Variants in RBFOX1 observed in about 807,000 individuals in gnomAD.
The protein encoded by RBFOX1 is RNA binding protein fox-1 homolog 1.
Under a neutral mutation model 57.7 loss-of-function variants are expected in RBFOX1, and 8 were observed. The ratio of observed to expected loss-of-function variants is 0.14; its 90% confidence interval spans 0.08 to 0.25. The LOEUF (loss-of-function observed/expected upper bound fraction) is 0.25. Ranked by LOEUF, RBFOX1 falls within the 10% of genes least tolerant of loss-of-function variation. The probability of loss-of-function intolerance (pLI) is 1.00; values close to 1 mark genes in which losing one functional copy is unlikely to be tolerated. For missense variants in RBFOX1, 611 were observed against 548.5 expected (o/e 1.11, Z -1.14); for synonymous variants, 326 against 222.4 (o/e 1.47, Z -4.15).
intron 1 of RBFOX1, among the ~76,000 whole-genome samples, chr16:6,200,308 C>T (rs1178707390): frequency 6.6e-6 from 1 of 152,030 alleles, no homozygotes; most frequent in East Asian, 1.9e-4. Context: ...GCCTTTTGTT[C>T]AACGCTTTTC....
Position 6,981,364 on chromosome 16 carries a change from T to C in RBFOX1, c.-15-70693T>C, listed in dbSNP as rs540410253. On this transcript the variant is annotated intron_variant, in intron 3 of 15. Coordinates refer to ENST00000550418, the MANE Select transcript of RBFOX1 (RefSeq NM_018723.4). ...CTCCTACTTTACTTTTCTGTTTCTG[T>C]GTTAATTTGCTAAGGATAATGGCCT... Among the ~76,000 whole-genome samples the C allele has an allele frequency of 5.9e-5, 9 of 152,212 alleles. No individual in the cohort carries two copies. In the East Asian group the frequency reaches 1.4e-3, roughly 23 times the overall value.
At chr16:5,702,034 T>G (rs2051067286) in intron 3 of RBFOX1, among the ~76,000 whole-genome samples, 1 of 151,668 alleles carries the variant, frequency 6.6e-6, no homozygotes, top group African/African-American at 2.4e-5. Context: ...GTTGATGGAG[T>G]GAAGAGAAAT....
At chr16:6,508,130 G>C (rs541327918) in intron 2 of RBFOX1, among the ~76,000 whole-genome samples, 1 of 152,094 alleles carries the variant, frequency 6.6e-6, no homozygotes, top group African/African-American at 2.4e-5. Flanking sequence ...ACCAAATACT[G>C]CATGTTCTCA....
chr16:5,823,992 C>G (rs1321893828), intron 3 of RBFOX1, among the ~76,000 whole-genome samples: 1 of 152,130 alleles, frequency 6.6e-6, no homozygotes, highest in Non-Finnish European at 1.5e-5. Context: ...AGGCTGGGAA[C>G]CACTGATCTA....
intron 1 of RBFOX1, among the ~76,000 whole-genome samples, chr16:6,115,472 A>G (rs542339508): frequency 6.6e-6 from 1 of 152,320 alleles, no homozygotes; most frequent in South Asian, 2.1e-4. Context: ...TAGCCCTTTA[A>G]TAGATTTGTG....
At chr16:6,626,407 C>T (rs189865438) in intron 2 of RBFOX1, among the ~76,000 whole-genome samples, 118 of 152,240 alleles carry the variant, frequency 7.8e-4, no homozygotes, top group South Asian at 1.4e-3. Context: ...ATTCTTCCTC[C>T]TTTGCTGTGG....
At chr16:7,490,483 T>A (rs552107227) in intron 4 of RBFOX1, among the ~76,000 whole-genome samples, 1 of 152,346 alleles carries the variant, frequency 6.6e-6, no homozygotes, top group East Asian at 1.9e-4. Flanking sequence ...GTCTTCTTAA[T>A]TAGAGGGGTT....
chr16:6,916,754 C>G (rs574865743), intron 3 of RBFOX1, among the ~76,000 whole-genome samples: 6 of 152,290 alleles, frequency 3.9e-5, no homozygotes, highest in Non-Finnish European at 5.9e-5. Flanking sequence ...CAGCTTTTTT[C>G]TACCACCCAC....
At chr16:5,705,902 G>C (rs1253654914) in intron 3 of RBFOX1, among the ~76,000 whole-genome samples, 1 of 152,096 alleles carries the variant, frequency 6.6e-6, no homozygotes, top group Non-Finnish European at 1.5e-5. Flanking sequence ...AACTGATCGT[G>C]TTGCTTTTTT....
chr16:6,636,470 G>A (rs1444885344), intron 2 of RBFOX1, among the ~76,000 whole-genome samples: 1 of 151,690 alleles, frequency 6.6e-6, no homozygotes, highest in African/African-American at 2.4e-5. Context: ...GCACCCGGCT[G>A]GATTTTGGAT....
rs73530722 is a variant in RBFOX1, at chr16:6,781,265, C to T, written c.-16+126615C>T. 1.7e-3 allele frequency among the ~76,000 whole-genome samples: 252 copies of T among 152,158 alleles called. 3 individuals carry two copies. The highest frequency in any genetic ancestry group is 5.8e-3 in the African/African-American group (240 of 41,516). On this transcript the variant is annotated intron_variant, in intron 3 of 15. Coordinates refer to ENST00000550418, the MANE Select transcript of RBFOX1 (RefSeq NM_018723.4). ...TGTCTTTGTTGAACCATCCTTTTAT[C>T]GCAGGAATGATTCCCATTTGATCAT...
At chr16:6,864,445 A>T (rs2059559378) in intron 3 of RBFOX1, among the ~76,000 whole-genome samples, 1 of 152,190 alleles carries the variant, frequency 6.6e-6, no homozygotes, top group Non-Finnish European at 1.5e-5. Flanking sequence ...AAAAGAAATG[A>T]CATCATCATG....
At chr16:7,063,705 GA>G (rs201822019) in intron 4 of RBFOX1, among the ~76,000 whole-genome samples, 26 of 151,930 alleles carry the variant, frequency 1.7e-4, no homozygotes, top group East Asian at 3.9e-4. Context: ...TATTTAGGGG[GA>G]AAAAAAACCC....
At chr16:5,279,431 C>T (rs1375790012) in intron 1 of RBFOX1, among the ~76,000 whole-genome samples, 1 of 152,020 alleles carries the variant, frequency 6.6e-6, no homozygotes, top group Admixed American at 6.6e-5. Context: ...AGAAACATTA[C>T]TGATTTTTGT....
In RBFOX1 at chr16:5,779,024, G is replaced by A. The variant is rs548034288; in HGVS notation, c.319-88279G>A. On this transcript the variant is annotated intron_variant, in intron 3 of 19. Transcript: ENST00000641259. Reference sequence around the variant, plus strand: ...GTATATTGAGCCCTCATTGATTTCTGGGATGAACCAACCTATTACTAGAAA... The same window carrying A: ...GTATATTGAGCCCTCATTGATTTCTAGGATGAACCAACCTATTACTAGAAA... 1.1e-3 allele frequency among the ~76,000 whole-genome samples: 162 copies of A among 152,168 alleles called. 1 individual carries two copies. The highest frequency in any genetic ancestry group is 3.8e-3 in the African/African-American group (158 of 41,516).
At chr16:6,039,550 T>G (rs2095413686) in intron 1 of RBFOX1, among the ~76,000 whole-genome samples, 1 of 152,100 alleles carries the variant, frequency 6.6e-6, no homozygotes, top group African/African-American at 2.4e-5. Context: ...AGCAAAACCT[T>G]TCATTGCCAC....
intron 3 of RBFOX1, among the ~76,000 whole-genome samples, chr16:5,698,771 A>T (rs1322653211): frequency 6.6e-6 from 1 of 152,214 alleles, no homozygotes; most frequent in East Asian, 1.9e-4. Context: ...TGTTTATGAA[A>T]AGGAATGAGG....
chr16:5,357,279 C>T (rs553833477), intron 1 of RBFOX1, among the ~76,000 whole-genome samples: 1 of 152,244 alleles, frequency 6.6e-6, no homozygotes, highest in African/African-American at 2.4e-5. Context: ...TATGGCTGAA[C>T]CAGTCAGAGA....
At chr16:6,810,407 A>G (rs188917568) in intron 3 of RBFOX1, among the ~76,000 whole-genome samples, 34 of 152,232 alleles carry the variant, frequency 2.2e-4, no homozygotes, top group African/African-American at 7.7e-4. Flanking sequence ...AGCGTGGACA[A>G]TGGTACTTTT....
Sources: allele counts gnomAD v4.1 joint callset (sites outside exome capture counted in the v4.1 genomes callset), GRCh38; gene constraint gnomAD v4.1.1; transcripts MANE v1.5; gene names NCBI Gene and HGNC (gene_info 2026-07-23, HGNC 2026-07-21).